TTLL7: variants seen among roughly 807,000 people sequenced by gnomAD.
The protein encoded by TTLL7 is tubulin tyrosine ligase like 7, also known as tubulin polyglutamylase TTLL7.
Under a neutral mutation model 120.2 loss-of-function variants are expected in TTLL7, and 53 were observed. The observed-to-expected ratio is 0.44, with a 90% CI of 0.35 to 0.55. TTLL7 has a LOEUF of 0.55. Ranked by LOEUF, TTLL7 falls within the 20% of genes least tolerant of loss-of-function variation. The pLI is 0.00. For synonymous variants in TTLL7, 353 were observed against 351.7 expected, an observed-to-expected ratio of 1.00 and a Z score of -0.04; for missense variants, 803 against 1,054.7, an observed-to-expected ratio of 0.76 and a Z score of 3.31.
intron 1 of TTLL7, among the ~76,000 whole-genome samples, chr1:83,962,842 A>G (rs1650127346): frequency 6.6e-6 from 1 of 152,158 alleles, no homozygotes; most frequent in Non-Finnish European, 1.5e-5. Context: ...GTTGTGCTCC[A>G]TTAGTTTTGG....
chr1:83,996,409 T>C (rs530915779), intron 1 of TTLL7, among the ~76,000 whole-genome samples: 4 of 152,308 alleles, frequency 2.6e-5, no homozygotes, highest in African/African-American at 9.6e-5. Context: ...TCTTTCACCA[T>C]GTATCCAAAC....
At chr1:83,931,889 T>C (rs1659630855) in intron 9 of TTLL7, among the ~76,000 whole-genome samples, 1 of 152,150 alleles carries the variant, frequency 6.6e-6, no homozygotes, top group Non-Finnish European at 1.5e-5. Context: ...ACAATGTATA[T>C]TAGCCCCACC....
intron 1 of TTLL7, among the ~76,000 whole-genome samples, chr1:83,962,783 T>C (rs1160228519): frequency 6.6e-6 from 1 of 152,084 alleles, no homozygotes; most frequent in Admixed American, 6.6e-5. Context: ...CCTTCCAACC[T>C]GGAATGCAAA....
At position 83,998,430 on chromosome 1, in the gene TTLL7, G is replaced by C. The variant is rs549150384; in HGVS notation, c.-177+501C>G. Among the ~76,000 whole-genome samples the C allele has an allele frequency of 1.2e-4, 18 of 152,316 alleles. No homozygotes were observed. The East Asian group carries it at 2.5e-3, about 21-fold the overall frequency. On this transcript the variant is annotated intron_variant, in intron 1 of 20. Transcript: ENST00000260505. ...GTGATATAAGTGGATGATGGCATGA[G>C]TCAGGCATCCAACAGAGCAAGATGT...
At chr1:83,900,085 C>T in intron 18 of TTLL7, 1 of 396,718 alleles carries the variant, frequency 2.5e-6, no homozygotes, top group Non-Finnish European at 4.9e-6. Flanking sequence ...TTATTAGTCA[C>T]ACATGTCATT....
At position 83,867,371 on chromosome 1, in the gene TTLL7, C is replaced by T; in HGVS notation, c.*2591G>A. 6.6e-6 allele frequency: 1 copy of T among 151,942 alleles called. No homozygotes were observed. Among genetic ancestry groups the T allele is most frequent in the East Asian group, 1.9e-4 (1 of 5,200 alleles). 9.4% of individuals were successfully genotyped at this position (151,942 alleles called of 1,614,324 possible). On this transcript the variant is annotated 3_prime_UTR_variant, in exon 21 of 21. Transcript: ENST00000260505. Reference sequence around the variant, plus strand: ...AACACAAGGCTTTTATTCACAACTTCATCATATCAAACTACATCAGTCTAA... The same window carrying T: ...AACACAAGGCTTTTATTCACAACTTTATCATATCAAACTACATCAGTCTAA...
intron 18 of TTLL7, among the ~76,000 whole-genome samples, chr1:83,895,626 A>T (rs964724740): frequency 4.6e-5 from 7 of 152,046 alleles, no homozygotes; most frequent in Non-Finnish European, 7.4e-5. Context: ...GGTTATGAAA[A>T]TTTTTTTGGT....
intron 1 of TTLL7, among the ~76,000 whole-genome samples, chr1:83,974,747 A>G (rs989418130): frequency 4.6e-5 from 7 of 152,156 alleles, no homozygotes; most frequent in Non-Finnish European, 1.0e-4. Context: ...ACATGTTTTT[A>G]TCTTTGTCAA....
chr1:83,961,628 C>T (rs557335559), intron 1 of TTLL7, among the ~76,000 whole-genome samples: 1 of 151,976 alleles, frequency 6.6e-6, no homozygotes, highest in African/African-American at 2.4e-5. Context: ...AAGTTCAAAG[C>T]AAATAACAGC....
chr1:83,978,434 T>TA (rs1462401332), intron 1 of TTLL7, among the ~76,000 whole-genome samples: 3 of 151,828 alleles, frequency 2.0e-5, no homozygotes, highest in African/African-American at 4.8e-5. Context: ...TATAGTCAGT[T>TA]AAAAAAAAGA....
intron 14 of TTLL7, among the ~76,000 whole-genome samples, chr1:83,911,859 T>A (rs978976550): frequency 3.3e-5 from 5 of 151,688 alleles, no homozygotes; most frequent in Non-Finnish European, 5.9e-5. Flanking sequence ...TTTGTGTGTG[T>A]GAGGGGGTGG....
Position 83,915,673 on chromosome 1 carries a change from A to T in TTLL7, c.1587+1931T>A, listed in dbSNP as rs1234999487. Among the ~76,000 whole-genome samples the T allele has an allele frequency of 2.0e-5, 3 of 152,182 alleles. No individual in the cohort carries two copies. The East Asian group carries it at 5.8e-4, about 29-fold the overall frequency. ...TAATTAAACTAAAGAGCTTCTGCACAGCAAAAGAAACTACTATCAGAGTGA... is the reference window on the plus strand; with the variant it reads ...TAATTAAACTAAAGAGCTTCTGCACTGCAAAAGAAACTACTATCAGAGTGA... On this transcript the variant is annotated intron_variant, in intron 14 of 20. Transcript: ENST00000260505.
intron 20 of TTLL7, among the ~76,000 whole-genome samples, chr1:83,881,916 G>T (rs1485713686): frequency 8.0e-5 from 12 of 149,220 alleles, no homozygotes; most frequent in African/African-American, 2.2e-4. Context: ...CCATAAAAAA[G>T]GATGAGTTCA....
chr1:83,970,124 C>G (rs754280039), intron 1 of TTLL7, among the ~76,000 whole-genome samples: 3 of 151,970 alleles, frequency 2.0e-5, no homozygotes, highest in Non-Finnish European at 4.4e-5. Context: ...TTAAAATAAT[C>G]TATAGGATTG....
chr1:83,906,818 T>C (rs1429717503), intron 16 of TTLL7, among the ~76,000 whole-genome samples: 1 of 152,116 alleles, frequency 6.6e-6, no homozygotes, highest in Non-Finnish European at 1.5e-5. Flanking sequence ...CACTCACTTA[T>C]ATTTCCTGAC....
chr1:83,876,029 T>A (rs1433342400), intron 20 of TTLL7, among the ~76,000 whole-genome samples: 3 of 151,926 alleles, frequency 2.0e-5, no homozygotes, highest in African/African-American at 7.2e-5. Flanking sequence ...TATTATCTTC[T>A]GAAATCTTTA....
intron 1 of TTLL7, among the ~76,000 whole-genome samples, chr1:83,996,582 G>A (rs1303261830): frequency 3.9e-5 from 6 of 152,098 alleles, no homozygotes; most frequent in South Asian, 4.1e-4. Flanking sequence ...TTAAGGTACC[G>A]CTATAGCAGT....
intron 8 of TTLL7, 148 bp from the exon 9 acceptor site, chr1:83,933,914 C>T: frequency 1.5e-6 from 1 of 681,494 alleles, no homozygotes; most frequent in Non-Finnish European, 2.4e-6. Flanking sequence ...CTTCATTCTT[C>T]ACTCTTACCC....
chr1:83,887,939 A>T (rs527989718), intron 19 of TTLL7, among the ~76,000 whole-genome samples: 1 of 152,180 alleles, frequency 6.6e-6, no homozygotes, highest in South Asian at 2.1e-4. Flanking sequence ...AATAAATACT[A>T]CTTACTATCC....
Sources: allele counts gnomAD v4.1 joint callset (sites outside exome capture counted in the v4.1 genomes callset), GRCh38; gene constraint gnomAD v4.1.1; transcripts MANE v1.5; gene names NCBI Gene and HGNC (gene_info 2026-07-23, HGNC 2026-07-21).